Variants in SNED1 observed in about 807,000 individuals in gnomAD.
The protein encoded by SNED1 is sushi, nidogen and EGF-like domain-containing protein 1.
In SNED1, 81 loss-of-function variants were observed where a neutral mutation model predicts 166.7. The ratio of observed to expected loss-of-function variants is 0.49; its 90% CI spans 0.41 to 0.58. The LOEUF (loss-of-function observed/expected upper bound fraction) is 0.58, where lower values mean the gene tolerates loss of function less well. SNED1 is among the 20% of genes least tolerant of loss of function. The pLI is 0.00. For synonymous variants in SNED1, 762 were observed against 822.0 expected (o/e 0.93, Z 1.25); for missense variants, 1,604 against 2,000.2 (o/e 0.80, Z 3.78).
At chr2:241,035,995 G>A (rs1325415169) in intron 4 of SNED1, among the ~76,000 whole-genome samples, 2 of 103,814 alleles carry the variant, frequency 1.9e-5, no homozygotes, top group Non-Finnish European at 4.0e-5. Flanking sequence ...GCGGAGGCGC[G>A]TCACGGGGAG....
At chr2:241,077,869 GCTGGTGGGA>G (rs1452135544) in intron 27 of SNED1, among the ~76,000 whole-genome samples, 4 of 152,176 alleles carry the variant, frequency 2.6e-5, no homozygotes, top group Non-Finnish European at 5.9e-5. Flanking sequence ...CCTCTACGCT[GCTGGTGGGA>G]CTGTAAAGTG....
At chr2:241,020,098 C>A (rs1244028135) in intron 1 of SNED1, among the ~76,000 whole-genome samples, 1 of 152,118 alleles carries the variant, frequency 6.6e-6, no homozygotes, top group African/African-American at 2.4e-5. Flanking sequence ...TAAAGGGCTG[C>A]AAAAACAAAA....
chr2:241,030,425 C>T lies in SNED1; in HGVS notation c.355C>T (p.Arg119Trp), dbSNP rs759445944. The stretch of plus-strand genomic sequence containing the variant: ...CCGGCGTGCAGGCGACGTGTACTAC[C>T]GGGAGGCCACCGACCCAGCCATGCT... ...DNRRAGDVYY[R>W]EATDPAMLRR... is the part of the protein sequence containing the mutation. Residue 119 changes from arginine (R) to tryptophan (W), a missense_variant, in exon 2 of 32, where the codon CGG (arginine) becomes TGG (tryptophan). Coordinates refer to ENST00000310397, the MANE Select transcript of SNED1 (RefSeq NM_001080437.3). The T allele has an allele frequency of 3.7e-6, 6 of 1,613,294 alleles. No individual in the cohort carries two copies. The highest frequency in any genetic ancestry group is 5.1e-6 in the Non-Finnish European group (6 of 1,179,750).
Position 241,064,929 on chromosome 2 carries a change from G to T in SNED1, c.2685G>T (p.Val895=). 6.3e-7 allele frequency: 1 copy of T among 1,586,020 alleles called. No individual in the cohort carries two copies. The highest frequency in any genetic ancestry group is 8.5e-7 in the Non-Finnish European group (1 of 1,170,770). ...GCTCCCACAGCTGCACCTGCAAAGT[G>T]GGCTACACGGGCGAGGACTGCGCCA... ...SNGSHSCTCK[V]GYTGEDCAKE... Residue 895 remains valine (V), a synonymous_variant, in exon 20 of 32, where the codon GTG becomes GTT. Transcript: ENST00000310397. This position sits in a 1 kb window ranked among gnomAD's most constrained non-coding sequence, Gnocchi z 7.0.
chr2:241,087,715 G>C (rs531428691), intron 30 of SNED1: 60 of 1,357,984 alleles, frequency 4.4e-5, no homozygotes, highest in Non-Finnish European at 5.1e-5. Flanking sequence ...GGTCACTCTG[G>C]TTATGCATAT....
At chr2:241,030,179 C>T (rs1254526464) in intron 1 of SNED1, 105 bp from the exon 2 acceptor site, 1 of 1,131,454 alleles carries the variant, frequency 8.8e-7, no homozygotes, top group East Asian at 2.6e-5. Flanking sequence ...CCAGGACTGG[C>T]TTCCCCTCAG....
At chr2:241,071,903 A>C (rs1417008460) in intron 26 of SNED1, 25 bp downstream of exon 26, 10 of 1,567,510 alleles carry the variant, frequency 6.4e-6, no homozygotes, top group African/African-American at 2.7e-5. Context: ...CTCCCCACCC[A>C]CCTTGGTGGC....
chr2:241,070,070 A>G lies in SNED1; in HGVS notation c.3458A>G (p.Asn1153Ser), dbSNP rs1389795140. ...AGCACCAAGAGCCGCTATGTCCCCAACGGGAAGCTGGCGTCCTACACGGTG... is the reference window on the plus strand; with the variant it reads ...AGCACCAAGAGCCGCTATGTCCCCAGCGGGAAGCTGGCGTCCTACACGGTG... ...SQSTKSRYVP[N>S]GKLASYTVRD... is the part of the protein sequence containing the mutation. Residue 1153 changes from asparagine (N) to serine (S), a missense_variant, in exon 24 of 32, where the codon AAC becomes AGC. Physicochemically the swap from Asn to Ser is conservative, Grantham distance 46. This residue lies in a region of SNED1 where 367 missense variants were observed against 379.4 expected (regional missense o/e 0.97). Transcript: ENST00000310397. 7 of 1,612,934 alleles carry G rather than the reference A, an allele frequency of 4.3e-6. No homozygotes were observed. The East Asian group carries it at 8.9e-5, about 21-fold the overall frequency.
intron 1 of SNED1, among the ~76,000 whole-genome samples, chr2:241,021,368 A>G (rs149980988): frequency 1.5e-4 from 23 of 152,196 alleles, no homozygotes; most frequent in African/African-American, 5.3e-4. Context: ...AGCGTTGTAT[A>G]TCCATCACCA....
At chr2:241,042,137 C>T (rs1259990028) in intron 8 of SNED1, among the ~76,000 whole-genome samples, 2 of 152,078 alleles carry the variant, frequency 1.3e-5, no homozygotes, top group African/African-American at 4.8e-5. Context: ...GGATGGTGCT[C>T]CTGAGGCAGG....
At chr2:241,037,001 G>C (rs780539394) in intron 5 of SNED1, 86 bp downstream of exon 5, 2 of 1,485,022 alleles carry the variant, frequency 1.3e-6, no homozygotes, top group Admixed American at 2.1e-5. Context: ...GGCCCTGGGC[G>C]CCCAGGGTCC....
At chr2:241,053,769 G>A (rs921412369) in intron 16 of SNED1, among the ~76,000 whole-genome samples, 1 of 152,174 alleles carries the variant, frequency 6.6e-6, no homozygotes, top group African/African-American at 2.4e-5. Flanking sequence ...AGAGAGCATT[G>A]CCACTGAGGT....
At chr2:241,028,100 TGTCTGTTCAA>T (rs1467295923) in intron 1 of SNED1, among the ~76,000 whole-genome samples, 1 of 152,182 alleles carries the variant, frequency 6.6e-6, no homozygotes, top group African/African-American at 2.4e-5. Context: ...TTTGGAGAAA[TGTCTGTTCAA>T]GTCCTTTCTC....
In SNED1 at chr2:241,079,748, AT is replaced by A. The variant is rs138056589; in HGVS notation, c.3917-1928del. Among the ~76,000 whole-genome samples, 422 of 152,328 alleles carry A rather than the reference AT, an allele frequency of 2.8e-3. 16 individuals are homozygous for A. The East Asian group carries it at 0.069, about 25-fold the overall frequency. On this transcript the variant is annotated intron_variant, in intron 27 of 31. Transcript: ENST00000310397. ...GATGGCATAACCACACAGGAAAAAA[AT>A]ATCATTGCAAGCGATTTTAATAAGA...
At chr2:241,037,214 A>T in intron 5 of SNED1, 26 bp from the exon 6 acceptor site, 1 of 1,566,078 alleles carries the variant, frequency 6.4e-7, no homozygotes, top group Admixed American at 1.8e-5. Flanking sequence ...CCCGCCGCTG[A>T]GGCCTCAGCC....
chr2:241,071,718 C>CCCCCGGAAA lies in SNED1; in HGVS notation c.3732_3733insCCCCGGAAA (p.Pro1244_Arg1245insProArgLys). On this transcript the variant is annotated inframe_insertion and splice_region_variant, in exon 25 of 32. Transcript: ENST00000310397. The stretch of plus-strand genomic sequence containing the variant: ...CCCCCGAGACCCCCACCCAGCCCCC[C>CCCCCGGAAA]AGGTACATGCCCCACCCATCGGCCC... The CCCCCGGAAA allele has an allele frequency of 3.3e-6, 5 of 1,503,612 alleles. No homozygotes were observed. The highest frequency in any genetic ancestry group is 1.4e-5 in the African/African-American group (1 of 72,458). The allele number at this position is 1,503,612 out of a possible 1,614,324, so 93.1% of individuals were successfully genotyped here.
intron 8 of SNED1, among the ~76,000 whole-genome samples, chr2:241,046,417 T>A (rs1367948385): frequency 6.6e-6 from 1 of 152,224 alleles, no homozygotes; most frequent in Non-Finnish European, 1.5e-5. Context: ...CTTCACTGGG[T>A]GAATGGATAG....
chr2:241,029,369 A>T (rs1158046365), intron 1 of SNED1, among the ~76,000 whole-genome samples: 2 of 152,244 alleles, frequency 1.3e-5, no homozygotes, highest in African/African-American at 4.8e-5. Context: ...CCTGGGCCAT[A>T]GATGGCATCT....
At chr2:241,017,091 T>C (rs969060965) in intron 1 of SNED1, among the ~76,000 whole-genome samples, 1 of 152,166 alleles carries the variant, frequency 6.6e-6, no homozygotes, top group Non-Finnish European at 1.5e-5. Flanking sequence ...CCTCAGGTGA[T>C]CCACCCACCT....
Sources: allele counts gnomAD v4.1 joint callset (sites outside exome capture counted in the v4.1 genomes callset), GRCh38; gene constraint gnomAD v4.1.1; regional missense constraint gnomAD v4.1.1; non-coding constraint Gnocchi (gnomAD v3.1); transcripts MANE v1.5; gene names NCBI Gene and HGNC (gene_info 2026-07-23, HGNC 2026-07-21).